The following NAV3 variants were observed in gnomAD, a reference collection of about 807,000 sequenced individuals.
The protein encoded by NAV3 is pore membrane and/or filament interacting like protein 1.
A neutral mutation model predicts 244.7 loss-of-function variants in NAV3; 87 were observed. That is an observed-to-expected ratio of 0.36 (90% CI 0.30 to 0.42). The LOEUF (loss-of-function observed/expected upper bound fraction) is 0.42. Ranked by LOEUF, NAV3 falls within the 20% of genes least tolerant of loss-of-function variation. The pLI is 1.00. For synonymous variants in NAV3, 1,126 were observed against 1,042.2 expected, an observed-to-expected ratio of 1.08 and a Z score of -1.55; for missense variants, 2,663 against 2,893.3, an observed-to-expected ratio of 0.92 and a Z score of 1.83.
At chr12:77,934,153 C>T (rs1889094161) in intron 1 of NAV3, among the ~76,000 whole-genome samples, 1 of 152,022 alleles carries the variant, frequency 6.6e-6, no homozygotes, top group Non-Finnish European at 1.5e-5. Flanking sequence ...ATTGTGGTTC[C>T]TTATTATCAT....
chr12:77,725,765 A>G (rs1876848889), intron 2 of NAV3, among the ~76,000 whole-genome samples: 1 of 152,008 alleles, frequency 6.6e-6, no homozygotes, highest in Non-Finnish European at 1.5e-5. Context: ...TCTGGAATTC[A>G]GAAGTCCAAA....
chr12:78,005,567 C>T (rs1258353322), intron 7 of NAV3, among the ~76,000 whole-genome samples: 2 of 152,124 alleles, frequency 1.3e-5, no homozygotes, highest in Admixed American at 6.5e-5. Flanking sequence ...ACAGGATCCC[C>T]AAGTATCATG....
Position 78,121,451 on chromosome 12 carries a change from C to T in NAV3, c.3750-489C>T, listed in dbSNP as rs185290336. Among the ~76,000 whole-genome samples the T allele has an allele frequency of 1.4e-4, 21 of 152,186 alleles. 1 individual carries two copies. The East Asian group carries it at 2.9e-3, about 21-fold the overall frequency. ...GTGACTCAGACCACCAGATACTCAA[C>T]ACAACTCCCTAAACTTGCTTTAAGC... is the stretch of plus-strand genomic sequence containing the variant. On this transcript the variant is annotated intron_variant, in intron 15 of 39. Coordinates refer to ENST00000397909, the MANE Select transcript of NAV3 (RefSeq NM_001024383.2).
intron 2 of NAV3, among the ~76,000 whole-genome samples, chr12:77,820,089 A>AGTGT (rs77744703): frequency 0.2 from 30,505 of 151,102 alleles, 3,638 homozygotes; most frequent in East Asian, 0.37. Context: ...AATAAATTGA[A>AGTGT]GTGTGTGTGT....
chr12:78,114,266 A>T (rs1258671320), intron 12 of NAV3, among the ~76,000 whole-genome samples: 1 of 152,048 alleles, frequency 6.6e-6, no homozygotes, highest in Non-Finnish European at 1.5e-5. Flanking sequence ...AACTGTTCCA[A>T]CTTCTGCCTG....
intron 2 of NAV3, among the ~76,000 whole-genome samples, chr12:77,825,248 C>G (rs1000223334): frequency 2.0e-5 from 3 of 151,724 alleles, no homozygotes; most frequent in African/African-American, 4.8e-5. Flanking sequence ...GAAAATGATA[C>G]CAGATAAAAA....
intron 23 of NAV3, among the ~76,000 whole-genome samples, chr12:78,163,869 T>A (rs1957670379): frequency 6.6e-6 from 1 of 152,066 alleles, no homozygotes; most frequent in South Asian, 2.1e-4. Context: ...TCACCAGGAT[T>A]ATATGAAAAA....
At chr12:78,189,717 T>C (rs1393961048) in intron 33 of NAV3, among the ~76,000 whole-genome samples, 1 of 151,850 alleles carries the variant, frequency 6.6e-6, no homozygotes, top group African/African-American at 2.4e-5. Flanking sequence ...TCTGGAAACA[T>C]AAATGAAAAC....
At chr12:78,023,146 A>G (rs1417577555) in intron 9 of NAV3, among the ~76,000 whole-genome samples, 1 of 152,170 alleles carries the variant, frequency 6.6e-6, no homozygotes, top group African/African-American at 2.4e-5. Flanking sequence ...ATGTCCTCAA[A>G]TTGCATGTTT....
At chr12:78,036,387 G>C (rs1470735520) in intron 9 of NAV3, 1 of 157,208 alleles carries the variant, frequency 6.4e-6, no homozygotes, top group African/African-American at 2.4e-5. Context: ...TTAGAGTAAA[G>C]GGTTACAGAC....
intron 2 of NAV3, among the ~76,000 whole-genome samples, chr12:77,610,174 A>G (rs1459754131): frequency 3.3e-5 from 5 of 152,202 alleles, no homozygotes; most frequent in Non-Finnish European, 5.9e-5. Flanking sequence ...AAATGATGCT[A>G]TTGAACTATT....
At chr12:78,073,962 T>C (rs1002128619) in intron 12 of NAV3, among the ~76,000 whole-genome samples, 4 of 152,234 alleles carry the variant, frequency 2.6e-5, no homozygotes, top group Admixed American at 1.3e-4. Flanking sequence ...TACTCAAATA[T>C]TATACTAGCT....
rs1464941828 is a variant in NAV3, at chr12:78,212,136, G to A, written c.*1619G>A. 6.6e-6 allele frequency: 1 copy of A among 152,560 alleles called. No homozygotes were observed. Among genetic ancestry groups the A allele is most frequent in the Non-Finnish European group, 1.5e-5 (1 of 68,040 alleles). The allele number at this position is 152,560 out of a possible 1,614,324, so 9.5% of individuals were successfully genotyped here. A position where few individuals can be genotyped will look rare whatever the true frequency, so the allele number is the denominator to read the frequency against. ...GTGAGCATGCTTCAAAACTGTACATGAAGCCAATATATTTTTGGATAAGTA... is the reference window on the plus strand; with the variant it reads ...GTGAGCATGCTTCAAAACTGTACATAAAGCCAATATATTTTTGGATAAGTA... On this transcript the variant is annotated 3_prime_UTR_variant, in exon 40 of 40. Coordinates refer to ENST00000397909, the MANE Select transcript of NAV3 (RefSeq NM_001024383.2).
chr12:77,633,394 A>T (rs539148458), intron 2 of NAV3, among the ~76,000 whole-genome samples: 4 of 152,220 alleles, frequency 2.6e-5, no homozygotes, highest in Admixed American at 2.0e-4. Flanking sequence ...CCTGAAGCTA[A>T]TCTATAATTG....
rs1456838731 is a variant in NAV3, at chr12:77,771,766, G to A, written c.73-168553G>A. Among the ~76,000 whole-genome samples, 3 of 151,648 alleles carry A rather than the reference G, an allele frequency of 2.0e-5. 1 individual carries two copies. Among genetic ancestry groups the A allele is most frequent in the Admixed American group, 2.0e-4 (3 of 15,206 alleles). On this transcript the variant is annotated intron_variant, in intron 2 of 8. Transcript: ENST00000550042. ...CATCACAATCCGGGGCTGTTGTGGG[G>A]TTGGGGGAGAGGGGAGGGATAGCAT...
At chr12:78,209,566 A>T (rs923183233) in intron 39 of NAV3, among the ~76,000 whole-genome samples, 1 of 151,216 alleles carries the variant, frequency 6.6e-6, no homozygotes, top group Non-Finnish European at 1.5e-5. Flanking sequence ...AAAAAAGTCC[A>T]TCTCTAACAG....
chr12:77,636,861 A>G (rs1242618027), intron 2 of NAV3, among the ~76,000 whole-genome samples: 1 of 152,068 alleles, frequency 6.6e-6, no homozygotes, highest in Non-Finnish European at 1.5e-5. Flanking sequence ...GAGGCTGAAA[A>G]CCATCATTCT....
intron 5 of NAV3, among the ~76,000 whole-genome samples, chr12:77,979,894 C>A (rs950930653): frequency 6.6e-6 from 1 of 151,876 alleles, no homozygotes; most frequent in African/African-American, 2.4e-5. Context: ...ACGAGTATTG[C>A]CAGAGAAAAA....
intron 2 of NAV3, among the ~76,000 whole-genome samples, chr12:77,755,010 G>A (rs561202799): frequency 3.9e-5 from 6 of 151,986 alleles, no homozygotes; most frequent in African/African-American, 1.4e-4. Flanking sequence ...TATCAATATC[G>A]GGAAAAGTTT....
Sources: gnomAD v4.1 joint callset for allele counts (sites outside exome capture counted in the v4.1 genomes callset) on GRCh38, gnomAD v4.1.1 for gene constraint, MANE v1.5 for transcripts, NCBI Gene and HGNC (gene_info 2026-07-23, HGNC 2026-07-21) for gene names.